The following SH3D19 variants were observed in gnomAD, a reference collection of about 807,000 sequenced individuals.
The protein encoded by SH3D19 is SH3 domain containing 19.
Under a neutral mutation model 112.1 loss-of-function variants are expected in SH3D19, and 58 were observed. The observed-to-expected ratio is 0.52, with a 90% CI of 0.42 to 0.64. The LOEUF (loss-of-function observed/expected upper bound fraction) is 0.64. Ranked by LOEUF, SH3D19 falls within the 30% of genes least tolerant of loss-of-function variation. SH3D19 has a pLI of 0.00. For synonymous variants in SH3D19, 391 were observed against 448.5 expected, an observed-to-expected ratio of 0.87 and a Z score of 1.62; for missense variants, 1,090 against 1,263.4, an observed-to-expected ratio of 0.86 and a Z score of 2.08.
chr4:151,298,882 T>TA (rs1195640059), intron 1 of SH3D19, among the ~76,000 whole-genome samples: 3 of 152,274 alleles, frequency 2.0e-5, no homozygotes, highest in East Asian at 3.9e-4. Flanking sequence ...TCAAAAAACT[T>TA]AAAAACCCCT....
intron 1 of SH3D19, among the ~76,000 whole-genome samples, chr4:151,309,734 A>G (rs1166529904): frequency 6.6e-6 from 1 of 152,250 alleles, no homozygotes; most frequent in Non-Finnish European, 1.5e-5. Flanking sequence ...TCACTCCTGT[A>G]ATCCCAGCAC....
intron 2 of SH3D19, among the ~76,000 whole-genome samples, chr4:151,216,003 G>C (rs575784634): frequency 6.2e-4 from 95 of 152,168 alleles, no homozygotes; most frequent in Middle Eastern, 6.8e-3. Context: ...GCTAATTTTT[G>C]TATTTTTAGT....
chr4:151,187,001 A>G (rs896987428), intron 3 of SH3D19, among the ~76,000 whole-genome samples: 1 of 151,352 alleles, frequency 6.6e-6, no homozygotes, highest in African/African-American at 2.4e-5. Flanking sequence ...TCACTGTGTT[A>G]GCCAGGATGG....
rs1391448178 is a variant in SH3D19, at chr4:151,128,410, G to A, written c.2743-54C>T. The A allele has an allele frequency of 9.5e-6, 14 of 1,470,396 alleles. No homozygotes were observed. In the African/African-American group the frequency reaches 1.8e-4, roughly 19 times the overall value. The allele number at this position is 1,470,396 out of a possible 1,614,324, so 91.1% of individuals were successfully genotyped here. ...AGTGTAAGATTTTATTTGAAATTGA[G>A]TTCTACAAAGCTTAAAAAGTAGTGG... is the stretch of plus-strand genomic sequence containing the variant. On this transcript the variant is annotated intron_variant, in intron 17 of 19. Transcript: ENST00000604030.
intron 1 of SH3D19, among the ~76,000 whole-genome samples, chr4:151,244,343 T>C (rs952983116): frequency 6.6e-6 from 1 of 152,186 alleles, no homozygotes; most frequent in African/African-American, 2.4e-5. Context: ...TTTAGAGAAA[T>C]TGTTCAAATG....
intron 2 of SH3D19, among the ~76,000 whole-genome samples, chr4:151,189,798 C>T (rs1480569997): frequency 6.6e-6 from 1 of 152,056 alleles, no homozygotes; most frequent in Non-Finnish European, 1.5e-5. Context: ...TGAAAACAGG[C>T]TAATACAGTA....
rs143212208 is a variant in SH3D19 at position 151,178,217 on chromosome 4, C to T, written c.236+1138G>A. On this transcript the variant is annotated intron_variant, in intron 4 of 19. Transcript: ENST00000604030. ...TGCCTGGAGCATGTTTAAATTTTCT[C>T]TTAAACCTGATTTCCTAACAAACAG... Among the ~76,000 whole-genome samples the T allele has an allele frequency of 2.8e-3, 420 of 152,324 alleles. 4 individuals are homozygous for T. Among genetic ancestry groups the T allele is most frequent in the Middle Eastern group, 0.014 (4 of 294 alleles).
intron 1 of SH3D19, among the ~76,000 whole-genome samples, chr4:151,233,157 A>G (rs1247947730): frequency 6.8e-6 from 1 of 146,568 alleles, no homozygotes; most frequent in Non-Finnish European, 1.5e-5. Context: ...GTCTCCCATC[A>G]CCCCCAGATG....
At chr4:151,220,919 G>A (rs1767926533) in intron 2 of SH3D19, among the ~76,000 whole-genome samples, 1 of 152,108 alleles carries the variant, frequency 6.6e-6, no homozygotes, top group South Asian at 2.1e-4. Context: ...CATCAATTTG[G>A]GAAATGGTGT....
At position 151,175,271 on chromosome 4, in the gene SH3D19, C is replaced by A; in HGVS notation, c.933G>T (p.Leu311=). The change falls in exon 7 of 20, where the codon CTG becomes CTT. Residue 311 remains leucine, a synonymous_variant. Coordinates refer to ENST00000604030, the MANE Select transcript of SH3D19 (RefSeq NM_001378122.1). ...GTGGAGTAATTTCTGGTTTCTTGGG[C>A]AGTCCTGAGGTTTCTATGTTTGTCT... The part of the protein sequence containing the change: ...EGQTNIETSG[L]PKKPEITPRS... 1 of 1,614,162 alleles carries A rather than the reference C, an allele frequency of 6.2e-7. No homozygotes were observed. The highest frequency in any genetic ancestry group is 1.1e-5 in the South Asian group (1 of 91,080).
At chr4:151,290,181 C>G (rs1258554109) in intron 1 of SH3D19, among the ~76,000 whole-genome samples, 1 of 152,138 alleles carries the variant, frequency 6.6e-6, no homozygotes, top group Non-Finnish European at 1.5e-5. Context: ...AATGCCTGGC[C>G]TGATCCTCCT....
chr4:151,274,428 G>A (rs926013703), intron 1 of SH3D19, among the ~76,000 whole-genome samples: 1 of 152,114 alleles, frequency 6.6e-6, no homozygotes, highest in Non-Finnish European at 1.5e-5. Context: ...TTACCCCAAG[G>A]ACAGTTAATC....
intron 1 of SH3D19, among the ~76,000 whole-genome samples, chr4:151,303,643 G>A (rs1728663371): frequency 2.6e-5 from 4 of 152,248 alleles, no homozygotes; most frequent in Admixed American, 2.0e-4. Context: ...TGTTCAGAAC[G>A]GTGCAGTAAA....
At chr4:151,255,750 T>C (rs541963217) in intron 1 of SH3D19, among the ~76,000 whole-genome samples, 1 of 152,090 alleles carries the variant, frequency 6.6e-6, no homozygotes, top group Non-Finnish European at 1.5e-5. Flanking sequence ...GAGCACTGAG[T>C]GAACGAGACT....
intron 12 of SH3D19, among the ~76,000 whole-genome samples, chr4:151,142,960 G>C (rs1188682284): frequency 6.6e-6 from 1 of 152,168 alleles, no homozygotes; most frequent in Non-Finnish European, 1.5e-5. Context: ...ACTTTTGGCT[G>C]GGCATGGTGA....
At position 151,307,274 on chromosome 4, in the gene SH3D19, G is replaced by A. The variant is rs528770171; in HGVS notation, c.112+17967C>T. On this transcript the variant is annotated intron_variant, in intron 1 of 19. Coordinates refer to ENST00000604030, the MANE Select transcript of SH3D19 (RefSeq NM_001378122.1). ...CCTGACCTCGTGATCCGCCCGCCTC[G>A]GCCTCCCAAAGTGCTGGGATTACAG... Among the ~76,000 whole-genome samples the A allele has an allele frequency of 1.4e-4, 22 of 151,964 alleles. No individual in the cohort carries two copies. The South Asian group carries it at 4.2e-3, about 29-fold the overall frequency.
intron 1 of SH3D19, among the ~76,000 whole-genome samples, chr4:151,309,148 C>T (rs1019255361): frequency 1.5e-4 from 23 of 152,224 alleles, no homozygotes; most frequent in Admixed American, 1.2e-3. Context: ...GGATAACAGG[C>T]GTGAGCCACC....
intron 1 of SH3D19, among the ~76,000 whole-genome samples, chr4:151,310,581 T>TC (rs1025791889): frequency 1.2e-4 from 17 of 136,562 alleles, no homozygotes; most frequent in East Asian, 8.2e-4. Context: ...TCTCTCTCTC[T>TC]TTTTTTTTTT....
chr4:151,143,229 C>CA (rs200054803), intron 12 of SH3D19, among the ~76,000 whole-genome samples: 1,453 of 117,030 alleles, frequency 0.012, 14 homozygotes, highest in African/African-American at 0.038. Context: ...GACCTTATCT[C>CA]AAAAAAAAAA....
Sources: gnomAD v4.1 joint callset for allele counts (sites outside exome capture counted in the v4.1 genomes callset) on GRCh38, gnomAD v4.1.1 for gene constraint, MANE v1.5 for transcripts, NCBI Gene and HGNC (gene_info 2026-07-23, HGNC 2026-07-21) for gene names.